The following VPS45 variants were observed in gnomAD, a reference collection of about 807,000 sequenced individuals.
VPS45 encodes vacuolar protein sorting-associated protein 45.
VPS45 carries 35 observed loss-of-function variants against 75.9 expected under a neutral mutation model. The ratio of observed to expected loss-of-function variants is 0.46; its 90% confidence interval spans 0.35 to 0.61. The LOEUF is 0.61. Among genes scored for constraint, VPS45 ranks in the 20% least tolerant of loss-of-function variants. VPS45 has a pLI of 0.00. For missense variants in VPS45, 559 were observed against 685.9 expected, an observed-to-expected ratio of 0.81 and a Z score of 2.07; for synonymous variants, 220 against 238.2, an observed-to-expected ratio of 0.92 and a Z score of 0.70.
At chr1:150,110,408 A>AG in intron 13 of VPS45, 88 bp from the exon 14 acceptor site, 1 of 1,337,386 alleles carries the variant, frequency 7.5e-7, no homozygotes, top group South Asian at 1.7e-5. Context: ...CCAAAAAAAA[A>AG]GATTTAGAAA....
At chr1:150,124,230 G>A (rs947762852) in intron 14 of VPS45, among the ~76,000 whole-genome samples, 3 of 152,152 alleles carry the variant, frequency 2.0e-5, no homozygotes, top group African/African-American at 2.4e-5. Context: ...GGAGGCCGAG[G>A]CGGGTGGATC....
intron 14 of VPS45, among the ~76,000 whole-genome samples, chr1:150,115,861 T>C (rs1258418176): frequency 2.0e-5 from 3 of 152,208 alleles, no homozygotes; most frequent in African/African-American, 7.2e-5. Flanking sequence ...CCTGACCCTC[T>C]GTGGCTACTA....
At chr1:150,080,781 C>T (rs1466177272) in intron 7 of VPS45, among the ~76,000 whole-genome samples, 5 of 152,154 alleles carry the variant, frequency 3.3e-5, no homozygotes, top group African/African-American at 4.8e-5. Context: ...CCAGTCCTTC[C>T]TCTCATCTCC....
Position 150,091,968 on chromosome 1 carries a change from TGA to T in VPS45, c.1137_1138del (p.Thr380ArgfsTer3). The T allele has an allele frequency of 6.2e-7, 1 of 1,614,012 alleles. No individual in the cohort carries two copies. The highest frequency in any genetic ancestry group is 1.1e-5 in the South Asian group (1 of 91,048). ...AAAAGGCTTCTGCAGAACCCCAAAG[TGA>T]CAGAGTTTGATGCTGCCCGCCTGGT... On this transcript the variant is annotated frameshift_variant, in exon 11 of 15. Coordinates refer to ENST00000644510, the MANE Select transcript of VPS45 (RefSeq NM_007259.5). LOFTEE classifies it high-confidence loss of function.
chr1:150,113,826 T>G (rs1449841397), intron 14 of VPS45, among the ~76,000 whole-genome samples: 1 of 151,650 alleles, frequency 6.6e-6, no homozygotes, highest in African/African-American at 2.4e-5. Flanking sequence ...ACCTGGGAGG[T>G]AGAGGTTGCA....
At chr1:150,083,718 AATAT>A (rs1655853631) in intron 10 of VPS45, among the ~76,000 whole-genome samples, 1 of 149,340 alleles carries the variant, frequency 6.7e-6, no homozygotes, top group African/African-American at 2.4e-5. Flanking sequence ...CATATATTTA[AATAT>A]ATATATGGGA....
intron 3 of VPS45, among the ~76,000 whole-genome samples, chr1:150,073,037 A>G (rs782489122): frequency 1.3e-5 from 2 of 152,162 alleles, no homozygotes; most frequent in African/African-American, 2.4e-5. Flanking sequence ...TATGTGCACA[A>G]CTTTCTTGGA....
chr1:150,110,723 A>G, intron 14 of VPS45, 96 bp downstream of exon 14: 3 of 1,262,022 alleles, frequency 2.4e-6, no homozygotes, highest in Non-Finnish European at 3.2e-6. Flanking sequence ...AATACTCACC[A>G]AACTGCTGTA....
chr1:150,113,312 C>T (rs1553807590), intron 14 of VPS45, among the ~76,000 whole-genome samples: 1 of 152,084 alleles, frequency 6.6e-6, no homozygotes, highest in Non-Finnish European at 1.5e-5. Flanking sequence ...GGGACAAAGA[C>T]CAAATATCTT....
In VPS45 at chr1:150,110,540, A is replaced by G. The variant is rs1571879434; in HGVS notation, c.1538A>G (p.Glu513Gly). 1 of 1,613,800 alleles carries G rather than the reference A, an allele frequency of 6.2e-7. No homozygotes were observed. The highest frequency in any genetic ancestry group is 1.3e-5 in the African/African-American group (1 of 75,004). ...TTTGTAATTGGAGGAGCCACCTATG[A>G]AGAGGCTCTAACAGTTTATAACCTG... ...IVFVIGGATYEEALTVYNLNR... is the reference protein window; with the variant it reads ...IVFVIGGATYGEALTVYNLNR... The change falls in exon 14 of 15, where the codon GAA (glutamate) becomes GGA (glycine). Residue 513 changes from glutamate (E) to glycine (G), a missense_variant. Physicochemically the swap from Glu to Gly is moderately conservative, Grantham distance 98 (BLOSUM62 -2). Coordinates refer to ENST00000644510, the MANE Select transcript of VPS45 (RefSeq NM_007259.5).
At chr1:150,111,561 G>A (rs1657651781) in intron 14 of VPS45, among the ~76,000 whole-genome samples, 1 of 152,072 alleles carries the variant, frequency 6.6e-6, no homozygotes, top group Non-Finnish European at 1.5e-5. Context: ...GGTAGAAGAG[G>A]AAAAGACTGG....
chr1:150,076,267 G>A lies in VPS45; in HGVS notation c.324G>A (p.Lys108=), dbSNP rs2101515532. Residue 108 remains lysine, a synonymous_variant, in exon 4 of 15, where the codon AAG becomes AAA. Transcript: ENST00000644510. ...FSNVISKSDV[K]SLAEADEQEV... is the part of the protein sequence containing the mutation. The stretch of plus-strand genomic sequence containing the variant: ...ATGTGATCAGCAAGAGTGACGTGAA[G>A]TCATTGGCTGAAGCTGATGAACAGG... 1 of 1,608,628 alleles carries A rather than the reference G, an allele frequency of 6.2e-7. No homozygotes were observed.
intron 14 of VPS45, among the ~76,000 whole-genome samples, chr1:150,134,821 A>C (rs1329722378): frequency 1.3e-5 from 2 of 152,036 alleles, no homozygotes; most frequent in Non-Finnish European, 2.9e-5. Flanking sequence ...TTTTTGTTAT[A>C]TTTTTTATTA....
At chr1:150,077,875 C>A in intron 7 of VPS45, 96 bp downstream of exon 7, 1 of 998,480 alleles carries the variant, frequency 1.0e-6, no homozygotes, top group Non-Finnish European at 1.5e-6. Context: ...ATTTATTTGC[C>A]TCCTTATTTT....
chr1:150,094,885 G>A (rs931386692), intron 13 of VPS45, among the ~76,000 whole-genome samples: 1 of 152,154 alleles, frequency 6.6e-6, no homozygotes, highest in Admixed American at 6.5e-5. Flanking sequence ...GTACACAGCA[G>A]GAAACCTTTC....
chr1:150,082,701 T>C lies in VPS45; in HGVS notation c.937-15T>C. The C allele has an allele frequency of 6.2e-7, 1 of 1,607,244 alleles. No homozygotes were observed. The highest frequency in any genetic ancestry group is 8.5e-7 in the Non-Finnish European group (1 of 1,176,016). On this transcript the variant is annotated splice_polypyrimidine_tract_variant and intron_variant, in intron 9 of 14. Transcript: ENST00000644510. ...AAAATAACAGAACCTCCCATTGATGTTTTTCCCATGGCAGGCGTTTGTTGA... is the reference window on the plus strand; with the variant it reads ...AAAATAACAGAACCTCCCATTGATGCTTTTCCCATGGCAGGCGTTTGTTGA...
intron 14 of VPS45, among the ~76,000 whole-genome samples, chr1:150,117,062 G>A (rs184333473): frequency 1.8e-4 from 27 of 151,672 alleles, no homozygotes; most frequent in East Asian, 3.9e-4. Flanking sequence ...TTAGCTGGGC[G>A]TGGTGGCGTG....
intron 13 of VPS45, among the ~76,000 whole-genome samples, chr1:150,103,025 T>C (rs1270061608): frequency 1.3e-5 from 2 of 150,588 alleles, no homozygotes; most frequent in African/African-American, 4.9e-5. Context: ...TAAAAATTTT[T>C]AAAAAGAAAT....
chr1:150,078,814 A>AT (rs1227340517), intron 7 of VPS45, among the ~76,000 whole-genome samples: 77 of 151,470 alleles, frequency 5.1e-4, no homozygotes, highest in Non-Finnish European at 1.0e-3. Flanking sequence ...ATAGCAAAGA[A>AT]TAAAAAAAAG....
Sources: allele counts gnomAD v4.1 joint callset (sites outside exome capture counted in the v4.1 genomes callset), GRCh38; gene constraint gnomAD v4.1.1; transcripts MANE v1.5; gene names NCBI Gene and HGNC (gene_info 2026-07-23, HGNC 2026-07-21).